The following NUDCD3 variants were observed in gnomAD, a reference collection of about 807,000 sequenced individuals.
NUDCD3 encodes NudC domain containing 3.
Under a neutral mutation model 39.7 loss-of-function variants are expected in NUDCD3, and 13 were observed. The observed-to-expected ratio is 0.33, with a 90% CI of 0.21 to 0.52. The LOEUF (loss-of-function observed/expected upper bound fraction) is 0.52. NUDCD3 is among the 20% of genes least tolerant of loss of function. NUDCD3 has a pLI of 0.96. For missense variants in NUDCD3, 453 were observed against 458.1 expected, an observed-to-expected ratio of 0.99 and a Z score of 0.10; for synonymous variants, 175 against 172.4, an observed-to-expected ratio of 1.02 and a Z score of -0.12.
intron 2 of NUDCD3, among the ~76,000 whole-genome samples, chr7:44,462,122 T>C (rs545075214): frequency 3.9e-5 from 6 of 152,218 alleles, no homozygotes; most frequent in Non-Finnish European, 7.4e-5. Flanking sequence ...TGCTCTGAGA[T>C]AGGAATTATC....
At chr7:44,456,905 T>A (rs1388252620) in intron 2 of NUDCD3, among the ~76,000 whole-genome samples, 1 of 152,102 alleles carries the variant, frequency 6.6e-6, no homozygotes, top group Non-Finnish European at 1.5e-5. Context: ...TTTTCAGGCA[T>A]GTGGCAGGGT....
At position 44,424,727 on chromosome 7, in the gene NUDCD3, T is replaced by C. The variant is rs547386541; in HGVS notation, c.642+2844A>G. Among the ~76,000 whole-genome samples the C allele has an allele frequency of 3.9e-5, 6 of 152,328 alleles. No individual in the cohort carries two copies. In the South Asian group the frequency reaches 1.2e-3, roughly 32 times the overall value. Reference sequence around the variant, plus strand: ...AGTTCAACCATTGTGGAAGACAGTGTGGTGATTCCTCAAGGATCTAGAGCC... The same window carrying C: ...AGTTCAACCATTGTGGAAGACAGTGCGGTGATTCCTCAAGGATCTAGAGCC... On this transcript the variant is annotated intron_variant, in intron 3 of 5. Transcript: ENST00000355451.
chr7:44,457,295 C>T (rs1201420962), intron 2 of NUDCD3, among the ~76,000 whole-genome samples: 2 of 152,168 alleles, frequency 1.3e-5, no homozygotes, highest in African/African-American at 4.8e-5. Context: ...TATTTCTATT[C>T]AACTTTGTAC....
At chr7:44,412,938 A>G (rs1432758994) in intron 3 of NUDCD3, among the ~76,000 whole-genome samples, 9 of 145,936 alleles carry the variant, frequency 6.2e-5, no homozygotes, top group Admixed American at 5.3e-4. Flanking sequence ...AAAAAAAAAA[A>G]AAAAGAAAAA....
chr7:44,490,263 A>C (rs898122764), intron 1 of NUDCD3, 146 bp downstream of exon 1: 62 of 768,550 alleles, frequency 8.1e-5, no homozygotes, highest in Non-Finnish European at 1.2e-4. Context: ...TCCGCGCTTC[A>C]AATTACTGAA....
rs752945151 is a variant in NUDCD3, at chr7:44,427,625, A to G, written c.588T>C (p.Tyr196=). ...VRENYTWSQD[Y]TDLEVRVPVP... is the part of the protein sequence containing the mutation. ...CTGGCACCCTGACCTCCAGGTCAGT[A>G]TAGTCCTGTGACCAGGTGTAGTTCT... Residue 196 remains tyrosine (Y), a synonymous_variant, in exon 3 of 6, where the codon TAT becomes TAC. Coordinates refer to ENST00000355451, the MANE Select transcript of NUDCD3 (RefSeq NM_015332.4). 1.9e-6 allele frequency: 3 copies of G among 1,613,846 alleles called. No homozygotes were observed. The highest frequency in any genetic ancestry group is 1.7e-5 in the Admixed American group (1 of 59,986).
chr7:44,450,307 A>G (rs1799770426), intron 2 of NUDCD3, among the ~76,000 whole-genome samples: 1 of 151,858 alleles, frequency 6.6e-6, no homozygotes, highest in Admixed American at 6.6e-5. Context: ...CCTCCCCAGT[A>G]GCAGGCTCAT....
chr7:44,448,252 T>G (rs1011968670), intron 2 of NUDCD3, among the ~76,000 whole-genome samples: 2 of 152,158 alleles, frequency 1.3e-5, no homozygotes, highest in African/African-American at 4.8e-5. Flanking sequence ...TGAAATTAAT[T>G]CCTGGTCTGT....
At chr7:44,399,762 A>G (rs562446939) in intron 4 of NUDCD3, among the ~76,000 whole-genome samples, 1 of 152,336 alleles carries the variant, frequency 6.6e-6, no homozygotes, top group African/African-American at 2.4e-5. Flanking sequence ...TTACACTAGA[A>G]TTCCACTCTT....
intron 4 of NUDCD3, among the ~76,000 whole-genome samples, chr7:44,398,802 G>A (rs900616496): frequency 1.3e-5 from 2 of 152,342 alleles, no homozygotes; most frequent in African/African-American, 4.8e-5. Context: ...GCACCTCAGA[G>A]CGAGGGCAGA....
chr7:44,438,261 C>T (rs1389299639), intron 2 of NUDCD3, among the ~76,000 whole-genome samples: 3 of 152,092 alleles, frequency 2.0e-5, no homozygotes, highest in East Asian at 3.9e-4. Context: ...TTTTCCTGTT[C>T]ATTCAAAATC....
chr7:44,458,979 T>TGTGTGTGTGG (rs1554493970), intron 2 of NUDCD3, among the ~76,000 whole-genome samples: 5 of 129,466 alleles, frequency 3.9e-5, no homozygotes, highest in Non-Finnish European at 5.0e-5. Flanking sequence ...TGTGTGTGTG[T>TGTGTGTGTGG]GGTGATGTGT....
intron 4 of NUDCD3, 63 bp from the exon 5 acceptor site, chr7:44,392,548 C>G (rs563546812): frequency 1.4e-6 from 2 of 1,453,998 alleles, no homozygotes; most frequent in African/African-American, 2.8e-5. Flanking sequence ...GGGCTGGGGA[C>G]AGAGCAGAGC....
chr7:44,431,380 G>T (rs897509861), intron 2 of NUDCD3, among the ~76,000 whole-genome samples: 1 of 152,222 alleles, frequency 6.6e-6, no homozygotes, highest in African/African-American at 2.4e-5. Flanking sequence ...AACAGGCTCT[G>T]TTGGGTGCTG....
chr7:44,434,707 T>A (rs1483198083), intron 2 of NUDCD3, among the ~76,000 whole-genome samples: 1 of 152,124 alleles, frequency 6.6e-6, no homozygotes, highest in Non-Finnish European at 1.5e-5. Flanking sequence ...TCCAAGCCAG[T>A]CCCCTAGCAG....
intron 4 of NUDCD3, among the ~76,000 whole-genome samples, 185 bp from the exon 5 acceptor site, chr7:44,392,670 A>T (rs561027382): frequency 1.3e-5 from 2 of 152,094 alleles, no homozygotes; most frequent in Non-Finnish European, 1.5e-5. Context: ...CTGGGAATGC[A>T]TTTGCTGCCT....
intron 2 of NUDCD3, among the ~76,000 whole-genome samples, chr7:44,478,402 A>T (rs983435304): frequency 1.3e-5 from 2 of 152,106 alleles, no homozygotes; most frequent in African/African-American, 4.8e-5. Flanking sequence ...AAAATACAAA[A>T]ATTAGCCAGG....
At chr7:44,450,430 G>A (rs564101662) in intron 2 of NUDCD3, among the ~76,000 whole-genome samples, 102 of 151,868 alleles carry the variant, frequency 6.7e-4, no homozygotes, top group African/African-American at 2.3e-3. Context: ...CACCTAACTC[G>A]GCCTCCCAAA....
intron 2 of NUDCD3, among the ~76,000 whole-genome samples, chr7:44,437,955 T>C (rs1799496280): frequency 6.6e-6 from 1 of 152,254 alleles, no homozygotes; most frequent in African/African-American, 2.4e-5. Flanking sequence ...AATTGTGTTA[T>C]TTTAATGAGG....
Sources: allele counts gnomAD v4.1 joint callset (sites outside exome capture counted in the v4.1 genomes callset), GRCh38; gene constraint gnomAD v4.1.1; transcripts MANE v1.5; gene names NCBI Gene and HGNC (gene_info 2026-07-23, HGNC 2026-07-21).